Variants in RNF144A observed in about 807,000 individuals in gnomAD.
RNF144A encodes the protein E3 ubiquitin-protein ligase RNF144A.
In RNF144A, 11 loss-of-function variants were observed where a neutral mutation model predicts 38.7. The observed-to-expected ratio is 0.28, with a 90% CI of 0.18 to 0.47. The LOEUF (loss-of-function observed/expected upper bound fraction) is 0.47, where lower values mean the gene tolerates loss of function less well. RNF144A is among the 20% of genes least tolerant of loss of function. The probability of loss-of-function intolerance (pLI) is 0.99; values close to 1 mark genes in which losing one functional copy is unlikely to be tolerated. For missense variants in RNF144A, 316 were observed against 377.2 expected, an observed-to-expected ratio of 0.84 and a Z score of 1.34; for synonymous variants, 149 against 143.9, an observed-to-expected ratio of 1.04 and a Z score of -0.25.
chr2:7,014,786 A>G lies in RNF144A; in HGVS notation c.301+14A>G. 4 of 1,586,860 alleles carry G rather than the reference A, an allele frequency of 2.5e-6. No homozygotes were observed. Among genetic ancestry groups the G allele is most frequent in the Non-Finnish European group, 3.5e-6 (4 of 1,156,430 alleles). ...AATTTGAAAGAGGTAGGTGCCTGGT[A>G]TATCTGCCGGTTATGATTCCTGTAA... On this transcript the variant is annotated intron_variant, in intron 5 of 8. Coordinates refer to ENST00000320892, the MANE Select transcript of RNF144A (RefSeq NM_014746.6).
intron 1 of RNF144A, chr2:6,933,186 G>A (rs896832412): frequency 1.3e-5 from 2 of 152,224 alleles, no homozygotes; most frequent in Non-Finnish European, 1.5e-5. Context: ...GAAGTGGAGG[G>A]ATTCCTTTGG....
chr2:6,965,418 C>G (rs1322018263), intron 2 of RNF144A, among the ~76,000 whole-genome samples: 1 of 152,142 alleles, frequency 6.6e-6, no homozygotes, highest in Non-Finnish European at 1.5e-5. Flanking sequence ...CTCCCGTGTA[C>G]GGAGAGCAAC....
Position 7,024,533 on chromosome 2 carries a change from G to A in RNF144A, c.657+17G>A. On this transcript the variant is annotated intron_variant, in intron 7 of 8. Transcript: ENST00000320892. ...TCTCTGGACGTGAGTACGGCCTTCAGCTTCACCTTGCGGCATTTAGCTTTG... is the reference window on the plus strand; with the variant it reads ...TCTCTGGACGTGAGTACGGCCTTCAACTTCACCTTGCGGCATTTAGCTTTG... The A allele has an allele frequency of 6.3e-7, 1 of 1,589,676 alleles. No homozygotes were observed. The highest frequency in any genetic ancestry group is 8.6e-7 in the Non-Finnish European group (1 of 1,160,290).
intron 2 of RNF144A, among the ~76,000 whole-genome samples, chr2:6,952,909 A>T (rs1252949433): frequency 6.6e-6 from 1 of 152,074 alleles, no homozygotes; most frequent in Non-Finnish European, 1.5e-5. Context: ...AACCTGCCAG[A>T]TTGTGCATTT....
chr2:7,026,030 C>T (rs959437336), intron 7 of RNF144A, among the ~76,000 whole-genome samples: 3 of 152,154 alleles, frequency 2.0e-5, no homozygotes, highest in African/African-American at 7.2e-5. Flanking sequence ...CACACAATGG[C>T]TGAGATGGGT....
chr2:6,947,560 A>C (rs965583951), intron 2 of RNF144A, among the ~76,000 whole-genome samples: 1 of 152,242 alleles, frequency 6.6e-6, no homozygotes, highest in Non-Finnish European at 1.5e-5. Flanking sequence ...CAAAAATTAA[A>C]TCTTTTAAAA....
chr2:6,994,116 C>T (rs1355355789), intron 2 of RNF144A, among the ~76,000 whole-genome samples: 4 of 152,152 alleles, frequency 2.6e-5, no homozygotes, highest in Admixed American at 6.5e-5. Flanking sequence ...GACTGCAAAG[C>T]GTGAACTCTT....
chr2:6,966,200 C>A (rs1667657166), intron 2 of RNF144A, among the ~76,000 whole-genome samples: 1 of 152,210 alleles, frequency 6.6e-6, no homozygotes, highest in Non-Finnish European at 1.5e-5. Context: ...GATGTTTTCA[C>A]CTTCTAGCTA....
At chr2:6,959,168 C>T (rs1667182925) in intron 2 of RNF144A, among the ~76,000 whole-genome samples, 1 of 152,184 alleles carries the variant, frequency 6.6e-6, no homozygotes, top group Non-Finnish European at 1.5e-5. Flanking sequence ...TCTGATACAT[C>T]AGAAGCGCCC....
At chr2:6,927,430 C>T (rs918400247) in intron 1 of RNF144A, among the ~76,000 whole-genome samples, 5 of 152,206 alleles carry the variant, frequency 3.3e-5, no homozygotes, top group Admixed American at 1.3e-4. Context: ...AGCCTTTCCT[C>T]GGGAGGACCA....
chr2:6,968,429 G>A (rs1467159880), intron 2 of RNF144A, among the ~76,000 whole-genome samples: 1 of 152,228 alleles, frequency 6.6e-6, no homozygotes, highest in African/African-American at 2.4e-5. Flanking sequence ...AGCTGGCTTT[G>A]CCAGTGGCTC....
At chr2:7,072,408 A>G (rs1674516556), downstream of RNF144A, among the ~76,000 whole-genome samples, 1 of 152,226 alleles carries the variant, frequency 6.6e-6, no homozygotes, top group Non-Finnish European at 1.5e-5. Context: ...TTTGCTGCTT[A>G]CAGATGAATG....
intron 7 of RNF144A, among the ~76,000 whole-genome samples, chr2:7,025,465 G>A (rs2103437308): frequency 6.6e-6 from 1 of 152,280 alleles, no homozygotes; most frequent in South Asian, 2.1e-4. Context: ...CCTGCGGTCA[G>A]GAGTTCAAGA....
At chr2:7,025,423 C>T (rs1443312060) in intron 7 of RNF144A, among the ~76,000 whole-genome samples, 1 of 152,172 alleles carries the variant, frequency 6.6e-6, no homozygotes, top group Non-Finnish European at 1.5e-5. Flanking sequence ...CCTATATTCC[C>T]AGCACTTTGG....
chr2:6,929,914 G>A (rs958858129), intron 1 of RNF144A, among the ~76,000 whole-genome samples: 1 of 152,170 alleles, frequency 6.6e-6, no homozygotes, highest in African/African-American at 2.4e-5. Context: ...TGATGAAGTG[G>A]GTCCTGCTGC....
chr2:6,960,148 T>C (rs1667247989), intron 2 of RNF144A, among the ~76,000 whole-genome samples: 1 of 152,190 alleles, frequency 6.6e-6, no homozygotes, highest in Non-Finnish European at 1.5e-5. Flanking sequence ...GAAACATGGG[T>C]GGAGGAAAAG....
At chr2:6,955,354 CTTCCCCTCTGTGG>C (rs1362788001) in intron 2 of RNF144A, among the ~76,000 whole-genome samples, 1 of 152,154 alleles carries the variant, frequency 6.6e-6, no homozygotes, top group Non-Finnish European at 1.5e-5. Context: ...TCAACTAAGG[CTTCCCCTCTGTGG>C]TTCCCCTCTG....
At position 7,041,698 on chromosome 2, in the gene RNF144A, G is replaced by A; in HGVS notation, c.*1938G>A. ...CCCTTTAACATGCCCAGCACACATG[G>A]GAGGCCTGTGGCCCTGTGTCCAGTG... is the stretch of plus-strand genomic sequence containing the variant. On this transcript the variant is annotated 3_prime_UTR_variant, in exon 9 of 9. Coordinates refer to ENST00000320892, the MANE Select transcript of RNF144A (RefSeq NM_014746.6). 1 of 985,466 alleles carries A rather than the reference G, an allele frequency of 1.0e-6. No homozygotes were observed. Among genetic ancestry groups the A allele is most frequent in the Non-Finnish European group, 1.2e-6 (1 of 829,966 alleles). The allele number at this position is 985,466 out of a possible 1,614,324, so 61.0% of individuals were successfully genotyped here.
chr2:7,036,055 G>C (rs757684470), intron 8 of RNF144A, among the ~76,000 whole-genome samples: 1 of 152,222 alleles, frequency 6.6e-6, no homozygotes, highest in Non-Finnish European at 1.5e-5. Flanking sequence ...GCGGTTGCTG[G>C]AGTGAGTGTG....
Sources: allele counts gnomAD v4.1 joint callset (sites outside exome capture counted in the v4.1 genomes callset), GRCh38; gene constraint gnomAD v4.1.1; transcripts MANE v1.5; gene names NCBI Gene and HGNC (gene_info 2026-07-23, HGNC 2026-07-21).